Variants in PFAS observed in about 807,000 individuals in gnomAD.
PFAS encodes the protein FGAM synthase.
A neutral mutation model predicts 140.6 loss-of-function variants in PFAS; 97 were observed. That is an observed-to-expected ratio of 0.69 (90% CI 0.59 to 0.82). The LOEUF is 0.82. Ranked by LOEUF, PFAS falls within the 40% of genes least tolerant of loss-of-function variation. The probability of loss-of-function intolerance (pLI) is 0.00; values close to 1 mark genes in which losing one functional copy is unlikely to be tolerated. For missense variants in PFAS, 1,656 were observed against 1,780.2 expected, an observed-to-expected ratio of 0.93 and a Z score of 1.26; for synonymous variants, 679 against 718.8, an observed-to-expected ratio of 0.94 and a Z score of 0.88.
chr17:8,267,368 C>T lies in PFAS; in HGVS notation c.3176-4C>T, dbSNP rs905687081. On this transcript the variant is annotated splice_polypyrimidine_tract_variant and splice_region_variant and intron_variant, in intron 24 of 27. Transcript: ENST00000314666. This position sits in a 1 kb window ranked among gnomAD's most constrained non-coding sequence, Gnocchi z 4.9. The stretch of plus-strand genomic sequence containing the variant: ...TGGCCCAAAGACACTTATTCTCCCC[C>T]AAGGTGGTCCCAGCCCCCGAGTCGC... 6.2e-7 allele frequency: 1 copy of T among 1,613,504 alleles called. No homozygotes were observed. The highest frequency in any genetic ancestry group is 8.5e-7 in the Non-Finnish European group (1 of 1,179,596).
rs774270571 is a variant in PFAS, at chr17:8,265,622, A to G, written c.2528A>G (p.Lys843Arg). The G allele has an allele frequency of 1.1e-5, 18 of 1,613,686 alleles. No homozygotes were observed. The South Asian group carries it at 1.5e-4, about 14-fold the overall frequency. Residue 843 changes from lysine (K) to arginine (R), a missense_variant, in exon 20 of 28, where the codon AAG becomes AGG. Coordinates refer to ENST00000314666, the MANE Select transcript of PFAS (RefSeq NM_012393.3). ...DITATVTPDL[K>R]HPEGRGHLLY... ...ACAGCCACTGTGACCCCAGACCTCA[A>G]GCATCCTGAAGGGAGAGGTATGGAC...
intron 17 of PFAS, 104 bp downstream of exon 17, chr17:8,264,705 C>T: frequency 7.8e-7 from 1 of 1,274,552 alleles, no homozygotes; most frequent in Non-Finnish European, 1.1e-6. Context: ...CCTGGCCCTG[C>T]AGGAAGCAGC....
At position 8,265,647 on chromosome 17, in the gene PFAS, C is replaced by T; in HGVS notation, c.2545+8C>T. The T allele has an allele frequency of 6.2e-7, 1 of 1,607,494 alleles. No homozygotes were observed. Among genetic ancestry groups the T allele is most frequent in the South Asian group, 1.1e-5 (1 of 90,974 alleles). On this transcript the variant is annotated splice_region_variant and intron_variant, in intron 20 of 27. Coordinates refer to ENST00000314666, the MANE Select transcript of PFAS (RefSeq NM_012393.3). Reference sequence around the variant, plus strand: ...AGCATCCTGAAGGGAGAGGTATGGACATGGCCCCATCCTTTGTGATCTTTG... The same window carrying T: ...AGCATCCTGAAGGGAGAGGTATGGATATGGCCCCATCCTTTGTGATCTTTG...
At chr17:8,253,773 A>C in intron 1 of PFAS, 86 bp from the exon 2 acceptor site, 1 of 946,562 alleles carries the variant, frequency 1.1e-6, no homozygotes, top group South Asian at 2.0e-5. Context: ...TCCTGACCTC[A>C]GGCAATCCAC....
At chr17:8,256,438 G>A (rs1989367927) in intron 7 of PFAS, 31 bp downstream of exon 7, 2 of 1,613,840 alleles carry the variant, frequency 1.2e-6, no homozygotes, top group Non-Finnish European at 1.7e-6. Flanking sequence ...TTGGCGTCAG[G>A]ACCCGGGGAG....
At chr17:8,250,739 T>C (rs761074469) in intron 1 of PFAS, among the ~76,000 whole-genome samples, 4 of 152,110 alleles carry the variant, frequency 2.6e-5, no homozygotes, top group Non-Finnish European at 5.9e-5. Context: ...AGACACCAGG[T>C]TGCAGCAGAG....
chr17:8,248,410 ATTTTTTTTT>A (rs35534210), upstream of PFAS, among the ~76,000 whole-genome samples: 36 of 67,646 alleles, frequency 5.3e-4, no homozygotes, highest in African/African-American at 1.7e-3. Context: ...CGCCCGGCTA[ATTTTTTTTT>A]TTTTTTTTTT....
chr17:8,263,294 G>C, intron 13 of PFAS, 29 bp downstream of exon 13: 1 of 1,612,078 alleles, frequency 6.2e-7, no homozygotes, highest in South Asian at 1.1e-5. Context: ...ACAAGAGACT[G>C]GGCCTGCCTG....
rs778124179 is a variant in PFAS at position 8,265,963 on chromosome 17, G to A, written c.2647G>A (p.Asp883Asn). 23 of 1,613,654 alleles carry A rather than the reference G, an allele frequency of 1.4e-5. No homozygotes were observed. Among genetic ancestry groups the A allele is most frequent in the Non-Finnish European group, 1.5e-5 (18 of 1,179,806 alleles). Residue 883 changes from aspartate (D) to asparagine (N), a missense_variant, in exon 21 of 28, where the codon GAC (aspartate) becomes AAC (asparagine). Coordinates refer to ENST00000314666, the MANE Select transcript of PFAS (RefSeq NM_012393.3). ...SQLGEHPPDL[D>N]LPENLVRAFS... is the part of the protein sequence containing the mutation. ...GCTTGGGGAACACCCTCCAGACCTG[G>A]ACCTTCCTGAGAACTTGGTGCGGGC...
At chr17:8,255,247 C>T (rs1171440886) in intron 4 of PFAS, 115 bp downstream of exon 4, 3 of 773,088 alleles carry the variant, frequency 3.9e-6, no homozygotes, top group African/African-American at 1.7e-5. Flanking sequence ...TCTGTATGGT[C>T]GTACAAGTTG....
intron 26 of PFAS, among the ~76,000 whole-genome samples, chr17:8,268,201 A>G (rs1302345671): frequency 3.4e-5 from 5 of 145,034 alleles, no homozygotes; most frequent in African/African-American, 7.5e-5. Flanking sequence ...AGCTGGGATT[A>G]CAGGCATGCA....
At chr17:8,255,379 G>A in intron 4 of PFAS, 123 bp from the exon 5 acceptor site, 1 of 771,826 alleles carries the variant, frequency 1.3e-6, no homozygotes, top group Non-Finnish European at 2.1e-6. Flanking sequence ...TGTAATCTGA[G>A]AAAAAGTGCC....
At chr17:8,260,941 A>G (rs577048427) in intron 11 of PFAS, among the ~76,000 whole-genome samples, 108 of 152,004 alleles carry the variant, frequency 7.1e-4, no homozygotes, top group African/African-American at 2.5e-3. Flanking sequence ...AAGTTTTTGT[A>G]TGAACATATG....
Position 8,255,928 on chromosome 17 carries a change from T to G in PFAS, c.680+18T>G. ...TCCAATAGGTGAGGAGAAATGGGGT[T>G]GTTCCCATACCTGAGCCCATGGGTG... is the stretch of plus-strand genomic sequence containing the variant. On this transcript the variant is annotated intron_variant, in intron 6 of 27. Coordinates refer to ENST00000314666, the MANE Select transcript of PFAS (RefSeq NM_012393.3). 6.4e-7 allele frequency: 1 copy of G among 1,567,154 alleles called. No individual in the cohort carries two copies. Among genetic ancestry groups the G allele is most frequent in the Non-Finnish European group, 8.8e-7 (1 of 1,137,392 alleles).
Position 8,266,872 on chromosome 17 carries a change from A to G in PFAS, c.2941A>G (p.Thr981Ala). 1 of 1,606,918 alleles carries G rather than the reference A, an allele frequency of 6.2e-7. No individual in the cohort carries two copies. Among genetic ancestry groups the G allele is most frequent in the Non-Finnish European group, 8.5e-7 (1 of 1,178,926 alleles). The change falls in exon 23 of 28, where the codon ACA (threonine) becomes GCA (alanine). Residue 981 changes from threonine to alanine, a missense_variant. Transcript: ENST00000314666. This position sits in a 1 kb window ranked among gnomAD's most constrained non-coding sequence, Gnocchi z 5.0. The stretch of plus-strand genomic sequence containing the variant: ...CCTCCATTGCCTGGAGCTGGGCCAC[A>G]CAGGCGAGGCCGGGCCCCACGCCAT... ...AGLHCLELGH[T>A]GEAGPHAMVR...
rs760631135 is a variant in PFAS at position 8,266,401 on chromosome 17, C to T, written c.2821+48C>T. 2 of 1,610,096 alleles carry T rather than the reference C, an allele frequency of 1.2e-6. No homozygotes were observed. Among genetic ancestry groups the T allele is most frequent in the African/African-American group, 1.3e-5 (1 of 74,768 alleles). On this transcript the variant is annotated intron_variant, in intron 22 of 27. Transcript: ENST00000314666. The surrounding 1 kb of genome is among the most constrained non-coding windows in gnomAD (Gnocchi z 5.0). ...TCAGGCCCGGGCTGCCTTCTCTACC[C>T]TGCAGACCCCATTTCCAATATATTA... is the stretch of plus-strand genomic sequence containing the variant.
chr17:8,261,509 G>T (rs865897284), intron 11 of PFAS, among the ~76,000 whole-genome samples: 16 of 152,138 alleles, frequency 1.1e-4, no homozygotes, highest in African/African-American at 3.6e-4. Flanking sequence ...AAAGTGCTAG[G>T]ATTACAGGCG....
chr17:8,255,930 T>G lies in PFAS; in HGVS notation c.680+20T>G. On this transcript the variant is annotated intron_variant, in intron 6 of 27. Coordinates refer to ENST00000314666, the MANE Select transcript of PFAS (RefSeq NM_012393.3). ...CAATAGGTGAGGAGAAATGGGGTTGTTCCCATACCTGAGCCCATGGGTGTT... is the reference window on the plus strand; with the variant it reads ...CAATAGGTGAGGAGAAATGGGGTTGGTCCCATACCTGAGCCCATGGGTGTT... 6.4e-7 allele frequency: 1 copy of G among 1,553,730 alleles called. No homozygotes were observed. The highest frequency in any genetic ancestry group is 8.9e-7 in the Non-Finnish European group (1 of 1,125,140).
At chr17:8,262,549 T>C (rs1567641353) in intron 11 of PFAS, 2 of 225,726 alleles carry the variant, frequency 8.9e-6, no homozygotes, top group African/African-American at 4.6e-5. Context: ...ATCCCAACAC[T>C]TTGGGAGGCC....
Sources: allele counts gnomAD v4.1 joint callset (sites outside exome capture counted in the v4.1 genomes callset), GRCh38; gene constraint gnomAD v4.1.1; non-coding constraint Gnocchi (gnomAD v3.1); transcripts MANE v1.5; gene names NCBI Gene and HGNC (gene_info 2026-07-23, HGNC 2026-07-21).